Variants in LGALS8 observed in about 807,000 individuals in gnomAD.
LGALS8 encodes galectin 8.
A neutral mutation model predicts 35.9 loss-of-function variants in LGALS8; 30 were observed. That is an observed-to-expected ratio of 0.83 (90% confidence interval 0.62 to 1.13). The LOEUF (loss-of-function observed/expected upper bound fraction) is 1.13. Ranked by LOEUF, LGALS8 falls within the 50% of genes most tolerant of loss-of-function variation. LGALS8 has a pLI of 0.00. For missense variants in LGALS8, 366 were observed against 388.7 expected (o/e 0.94, Z 0.49); for synonymous variants, 138 against 136.1 (o/e 1.01, Z -0.10).
In LGALS8 at chr1:236,548,681, C is replaced by T. The variant is rs1041944; in HGVS notation, c.*520C>T. The T allele has an allele frequency of 0.64, 235,092 of 369,996 alleles. 76,516 individuals carry two copies. The highest frequency in any genetic ancestry group is 0.69 in the Non-Finnish European group (143,738 of 208,858). The allele number at this position is 369,996 out of a possible 1,614,324, so 22.9% of individuals were successfully genotyped here. A position where few individuals can be genotyped will look rare whatever the true frequency, so the allele number is the denominator to read the frequency against. ...ATATTAAATCACCCGAAGACACTAA[C>T]TTACAGAAGACACAACTCCTTCCCC... On this transcript the variant is annotated 3_prime_UTR_variant, in exon 10 of 10. Transcript: ENST00000366584.
In LGALS8 at chr1:236,548,485, C is replaced by T; in HGVS notation, c.*324C>T. The T allele has an allele frequency of 3.4e-6, 1 of 295,708 alleles. No individual in the cohort carries two copies. The highest frequency in any genetic ancestry group is 6.3e-6 in the Non-Finnish European group (1 of 159,748). The allele number at this position is 295,708 out of a possible 1,614,324, so 18.3% of individuals were successfully genotyped here. A position where few individuals can be genotyped will look rare whatever the true frequency, so the allele number is the denominator to read the frequency against. On this transcript the variant is annotated 3_prime_UTR_variant, in exon 10 of 10. Coordinates refer to ENST00000366584, the MANE Select transcript of LGALS8 (RefSeq NM_201544.4). ...TACAGTAGCTAACATGTATTGAGCACAGATTTTTTTTGGTAAAACTGTGAA... is the reference window on the plus strand; with the variant it reads ...TACAGTAGCTAACATGTATTGAGCATAGATTTTTTTTGGTAAAACTGTGAA...
upstream of LGALS8, among the ~76,000 whole-genome samples, chr1:236,519,082 C>T (rs1478464139): frequency 6.6e-6 from 1 of 152,014 alleles, no homozygotes; most frequent in Non-Finnish European, 1.5e-5. Context: ...TATAATTTAA[C>T]ATTTTGCTTG....
chr1:236,550,760 G>T lies in LGALS8; in HGVS notation c.*2599G>T. 1.6e-6 allele frequency: 1 copy of T among 626,930 alleles called. No homozygotes were observed. Among genetic ancestry groups the T allele is most frequent in the Non-Finnish European group, 2.7e-6 (1 of 368,596 alleles). The allele number at this position is 626,930 out of a possible 1,614,324, so 38.8% of individuals were successfully genotyped here. ...GCAGCACAAGCCAGGTGGGGATTTT[G>T]TAAAGAAGTGATAAAACATTTGTAA... is the stretch of plus-strand genomic sequence containing the variant. On this transcript the variant is annotated 3_prime_UTR_variant, in exon 10 of 10. Coordinates refer to ENST00000366584, the MANE Select transcript of LGALS8 (RefSeq NM_201544.4).
intron 4 of LGALS8, 25 bp from the exon 5 acceptor site, chr1:236,540,539 G>T (rs761664241): frequency 3.3e-6 from 5 of 1,516,686 alleles, no homozygotes; most frequent in South Asian, 2.5e-5. Context: ...TGGCGGGGGG[G>T]GCTCTGTCTT....
At chr1:236,543,084 G>C (rs1228308752) in intron 7 of LGALS8, 1 of 1,556,016 alleles carries the variant, frequency 6.4e-7, no homozygotes, top group South Asian at 1.1e-5. Context: ...TAAAAATTAA[G>C]TTGTAATGAG....
rs1662746008 is a variant in LGALS8 at position 236,551,560 on chromosome 1, C to T, written c.*3399C>T. On this transcript the variant is annotated 3_prime_UTR_variant, in exon 10 of 10. Coordinates refer to ENST00000366584, the MANE Select transcript of LGALS8 (RefSeq NM_201544.4). Reference sequence around the variant, plus strand: ...TTTAAGTGAGATAATCCAAGTAAAGCACCTAACATGGAGTAGTGAATGAAC... The same window carrying T: ...TTTAAGTGAGATAATCCAAGTAAAGTACCTAACATGGAGTAGTGAATGAAC... The T allele has an allele frequency of 6.3e-6, 1 of 158,774 alleles. No homozygotes were observed. The highest frequency in any genetic ancestry group is 2.4e-5 in the African/African-American group (1 of 41,582). The allele number at this position is 158,774 out of a possible 1,614,324, so 9.8% of individuals were successfully genotyped here. A position where few individuals can be genotyped will look rare whatever the true frequency, so the allele number is the denominator to read the frequency against.
rs559612368 is a variant in LGALS8 at position 236,540,682 on chromosome 1, C to T, written c.464C>T (p.Ser155Leu). ...NIHSIGFSFS[S>L]DLQSTQASSL... ...CACTCAATTGGTTTTAGCTTCAGCT[C>T]GGTGAGTGACCTTCCACAGCTTGGG... Residue 155 changes from serine (S) to leucine (L), a missense_variant and splice_region_variant, in exon 5 of 10, where the codon TCG becomes TTG. Transcript: ENST00000366584. 22 of 1,602,100 alleles carry T rather than the reference C, an allele frequency of 1.4e-5. No homozygotes were observed. The highest frequency in any genetic ancestry group is 4.5e-5 in the South Asian group (4 of 88,526).
rs1662738244 is a variant in LGALS8 at position 236,551,413 on chromosome 1, T to C, written c.*3252T>C. ...GTTATTTCCTGGGCCTAAGACTCTA[T>C]GTTCCAGAACTGTCACAGCTCCCCA... On this transcript the variant is annotated 3_prime_UTR_variant, in exon 10 of 10. Transcript: ENST00000366584. 6.1e-6 allele frequency: 1 copy of C among 163,896 alleles called. No individual in the cohort carries two copies. Among genetic ancestry groups the C allele is most frequent in the Non-Finnish European group, 1.3e-5 (1 of 75,696 alleles). 10.2% of individuals were successfully genotyped at this position (163,896 alleles called of 1,614,324 possible). A position where few individuals can be genotyped will look rare whatever the true frequency, so the allele number is the denominator to read the frequency against.
In LGALS8 at chr1:236,543,571, CGCT is replaced by C; in HGVS notation, c.564_566del (p.Ala189del). On this transcript the variant is annotated inframe_deletion, in exon 8 of 10. Coordinates refer to ENST00000366584, the MANE Select transcript of LGALS8 (RefSeq NM_201544.4). ...TGGCTTCTTTTCAGAGGCTGCCATT[CGCT>C]GCAAGGTTGAACACCCCCATGGGCC... is the stretch of plus-strand genomic sequence containing the variant. 1.9e-6 allele frequency: 3 copies of C among 1,613,726 alleles called. No individual in the cohort carries two copies. Among genetic ancestry groups the C allele is most frequent in the Non-Finnish European group, 2.5e-6 (3 of 1,179,684 alleles).
rs562131466 is a variant in LGALS8, at chr1:236,543,326, G to A, written c.550-234G>A. ...GTGTTTCACTCATACAGAGGGCATC[G>A]GGTCCCACCCTGTCACTCATTTCAT... On this transcript the variant is annotated intron_variant, in intron 7 of 9. Coordinates refer to ENST00000366584, the MANE Select transcript of LGALS8 (RefSeq NM_201544.4). The A allele has an allele frequency of 4.4e-5, 29 of 665,332 alleles. No homozygotes were observed. The East Asian group carries it at 6.8e-4, about 16-fold the overall frequency. The allele number at this position is 665,332 out of a possible 1,614,324, so 41.2% of individuals were successfully genotyped here.
chr1:236,534,918 G>C (rs2103082242), intron 2 of LGALS8, among the ~76,000 whole-genome samples: 1 of 151,938 alleles, frequency 6.6e-6, no homozygotes, highest in African/African-American at 2.4e-5. Flanking sequence ...AAAATTAGCT[G>C]GGCATGGTGG....
At chr1:236,539,463 G>A (rs1359485290) in intron 4 of LGALS8, among the ~76,000 whole-genome samples, 2 of 152,126 alleles carry the variant, frequency 1.3e-5, no homozygotes, top group Admixed American at 1.3e-4. Context: ...AAATCAGAAG[G>A]GTTTTGTAAA....
At chr1:236,523,860 A>AG, upstream of LGALS8, 1 of 347,646 alleles carries the variant, frequency 2.9e-6, no homozygotes. Flanking sequence ...CAGAGCCGCC[A>AG]GGGACGCCCC....
At position 236,537,514 on chromosome 1, in the gene LGALS8, C is replaced by T. The variant is rs1379893399; in HGVS notation, c.63C>T (p.Gly21=). ...TTTCTTAGGTAATCCCGTTTGTTGGCACCATTCCTGATCAGCTGGATCCTG... is the reference window on the plus strand; with the variant it reads ...TTTCTTAGGTAATCCCGTTTGTTGGTACCATTCCTGATCAGCTGGATCCTG... The part of the protein sequence containing the change: ...IIYNPVIPFV[G]TIPDQLDPGT... Residue 21 remains glycine, a synonymous_variant, in exon 3 of 10, where the codon GGC becomes GGT. Transcript: ENST00000366584. 1.3e-6 allele frequency: 2 copies of T among 1,598,198 alleles called. No individual in the cohort carries two copies. Among genetic ancestry groups the T allele is most frequent in the African/African-American group, 1.3e-5 (1 of 74,728 alleles).
Position 236,526,250 on chromosome 1 carries a change from G to A in LGALS8, c.45+135G>A. The stretch of plus-strand genomic sequence containing the variant: ...AAGCACCTACTATGTAATAGAGATG[G>A]TGGTGGGTGCTGATTACAAAACAGC... On this transcript the variant is annotated intron_variant, in intron 2 of 9. Coordinates refer to ENST00000366584, the MANE Select transcript of LGALS8 (RefSeq NM_201544.4). The surrounding 1 kb of genome is among the most constrained non-coding windows in gnomAD (Gnocchi z 4.6). 1.7e-6 allele frequency: 1 copy of A among 595,146 alleles called. No homozygotes were observed. Among genetic ancestry groups the A allele is most frequent in the Non-Finnish European group, 2.9e-6 (1 of 340,128 alleles). 36.9% of individuals were successfully genotyped at this position (595,146 alleles called of 1,614,324 possible).
chr1:236,552,153 AT>A lies in LGALS8; in HGVS notation c.*3995del, dbSNP rs1406394163. On this transcript the variant is annotated 3_prime_UTR_variant, in exon 10 of 10. Transcript: ENST00000366584. ...AAGAAATAAAAAGTAGTGTTACTGT[AT>A]TTATTATCTTAAGAGCTGTACTGAC... 7.9e-7 allele frequency: 1 copy of A among 1,272,282 alleles called. No homozygotes were observed. 78.8% of individuals were successfully genotyped at this position (1,272,282 alleles called of 1,614,324 possible). A position where few individuals can be genotyped will look rare whatever the true frequency, so the allele number is the denominator to read the frequency against.
At position 236,539,809 on chromosome 1, in the gene LGALS8, G is replaced by A. The variant is rs148638597; in HGVS notation, c.345+720G>A. Among the ~76,000 whole-genome samples, 29 of 152,302 alleles carry A rather than the reference G, an allele frequency of 1.9e-4. No individual in the cohort carries two copies. The East Asian group carries it at 4.8e-3, about 25-fold the overall frequency. Reference sequence around the variant, plus strand: ...CTCCCTTCTCTGGCCTTTTGAGCCCGTGTCTGTATCATTCTTTTTCACAGT... The same window carrying A: ...CTCCCTTCTCTGGCCTTTTGAGCCCATGTCTGTATCATTCTTTTTCACAGT... On this transcript the variant is annotated intron_variant, in intron 4 of 9. Coordinates refer to ENST00000366584, the MANE Select transcript of LGALS8 (RefSeq NM_201544.4).
In LGALS8 at chr1:236,548,198, A is replaced by G; in HGVS notation, c.*37A>G. On this transcript the variant is annotated 3_prime_UTR_variant, in exon 10 of 10. Coordinates refer to ENST00000366584, the MANE Select transcript of LGALS8 (RefSeq NM_201544.4). ...AGCTGCTACAAAAACCAAAATACAGAATGGCTTCTGTGATACTGGCCTTGC... is the reference window on the plus strand; with the variant it reads ...AGCTGCTACAAAAACCAAAATACAGGATGGCTTCTGTGATACTGGCCTTGC... The G allele has an allele frequency of 6.3e-7, 1 of 1,587,760 alleles. No homozygotes were observed. The highest frequency in any genetic ancestry group is 1.4e-5 in the African/African-American group (1 of 74,006).
intron 2 of LGALS8, chr1:236,536,784 G>A (rs975626383): frequency 2.6e-5 from 4 of 152,142 alleles, no homozygotes; most frequent in East Asian, 1.9e-4. Flanking sequence ...GTGTGGCCTC[G>A]AACCTTCTGT....
Sources: allele counts gnomAD v4.1 joint callset (sites outside exome capture counted in the v4.1 genomes callset), GRCh38; gene constraint gnomAD v4.1.1; non-coding constraint Gnocchi (gnomAD v3.1); transcripts MANE v1.5; gene names NCBI Gene and HGNC (gene_info 2026-07-23, HGNC 2026-07-21).